HRH1: variants seen among roughly 807,000 people sequenced by gnomAD.
HRH1 encodes histamine receptor H1.
A neutral mutation model predicts 10.3 loss-of-function variants in HRH1; 6 were observed. The ratio of observed to expected loss-of-function variants is 0.58; its 90% CI spans 0.32 to 1.15. HRH1 has a LOEUF of 1.15. Among genes scored for constraint, HRH1 ranks in the 50% most tolerant of loss-of-function variants. The pLI is 0.05. For missense variants in HRH1, 514 were observed against 615.3 expected, an observed-to-expected ratio of 0.84 and a Z score of 1.74; for synonymous variants, 242 against 236.7, an observed-to-expected ratio of 1.02 and a Z score of -0.21.
intron 1 of HRH1, among the ~76,000 whole-genome samples, chr3:11,148,221 A>G (rs1936504740): frequency 6.6e-6 from 1 of 151,720 alleles, no homozygotes; most frequent in African/African-American, 2.4e-5. Flanking sequence ...TTCCTTCTCA[A>G]TCCTGCCCAT....
intron 1 of HRH1, among the ~76,000 whole-genome samples, chr3:11,138,570 C>T (rs1936230239): frequency 6.6e-6 from 1 of 152,190 alleles, no homozygotes; most frequent in Non-Finnish European, 1.5e-5. Context: ...CTTTGGAAAA[C>T]AGTTTGGCAA....
At chr3:11,144,429 A>T (rs62248177) in intron 1 of HRH1, among the ~76,000 whole-genome samples, 1 of 44,368 alleles carries the variant, frequency 2.3e-5, no homozygotes, top group African/African-American at 6.0e-5. Context: ...GTATATATAC[A>T]TATAGACATA....
At chr3:11,151,880 A>C (rs1936636785), upstream of HRH1, among the ~76,000 whole-genome samples, 1 of 152,228 alleles carries the variant, frequency 6.6e-6, no homozygotes, top group Non-Finnish European at 1.5e-5. Flanking sequence ...TGAGGCTCAG[A>C]GAAGCAAAGT....
At chr3:11,237,890 G>A (rs1400556734) in intron 1 of HRH1, among the ~76,000 whole-genome samples, 2 of 151,746 alleles carry the variant, frequency 1.3e-5, no homozygotes, top group South Asian at 2.1e-4. Flanking sequence ...ATTGGCCAGG[G>A]TGGTCTCGAA....
intron 1 of HRH1, among the ~76,000 whole-genome samples, chr3:11,207,630 T>G (rs1199857863): frequency 1.3e-5 from 2 of 152,164 alleles, no homozygotes; most frequent in African/African-American, 4.8e-5. Flanking sequence ...TTACTTGCTG[T>G]GTGATCTTGG....
chr3:11,189,339 G>A (rs1462244100), intron 1 of HRH1, among the ~76,000 whole-genome samples: 1 of 152,124 alleles, frequency 6.6e-6, no homozygotes, highest in Non-Finnish European at 1.5e-5. Context: ...ATCCTTCTCT[G>A]ACTCAGTTTC....
chr3:11,221,036 G>A lies in HRH1; in HGVS notation c.-35-37967G>A, dbSNP rs541617231. On this transcript the variant is annotated intron_variant, in intron 1 of 1. Coordinates refer to ENST00000431010, the MANE Select transcript of HRH1 (RefSeq NM_001098212.2). ...GTCACTACCCCCAAAGTATCTGGGC[G>A]TGGGAATATGAGTTTATAAGAAAAT... Among the ~76,000 whole-genome samples, 4 of 152,256 alleles carry A rather than the reference G, an allele frequency of 2.6e-5. No homozygotes were observed. The East Asian group carries it at 7.7e-4, about 29-fold the overall frequency.
chr3:11,162,226 C>CACTCATAGAT (rs1177728280), intron 1 of HRH1, among the ~76,000 whole-genome samples: 1 of 152,206 alleles, frequency 6.6e-6, no homozygotes, highest in Non-Finnish European at 1.5e-5. Flanking sequence ...TAGATACAGT[C>CACTCATAGAT]ACCATGCAAG....
chr3:11,178,224 G>A (rs1157357412), intron 1 of HRH1, among the ~76,000 whole-genome samples: 1 of 152,134 alleles, frequency 6.6e-6, no homozygotes, highest in African/African-American at 2.4e-5. Context: ...CTGACTGCTG[G>A]GCTCAGCCCT....
chr3:11,259,215 A>G lies in HRH1; in HGVS notation c.178A>G (p.Thr60Ala), dbSNP rs201720863. ...CGTACGGAGTGAGCGGAAGCTCCAC[A>G]CTGTGGGGAACCTGTACATCGTCAG... ...YAVRSERKLHTVGNLYIVSLS... is the reference protein window; with the variant it reads ...YAVRSERKLHAVGNLYIVSLS... The change falls in exon 2 of 2, where the codon ACT (threonine) becomes GCT (alanine). Residue 60 changes from threonine (T) to alanine (A), a missense_variant. By Grantham distance (58) the Thr-to-Ala change is moderately conservative. Transcript: ENST00000431010. This position sits in a 1 kb window ranked among gnomAD's most constrained non-coding sequence, Gnocchi z 4.6. 54 of 1,610,774 alleles carry G rather than the reference A, an allele frequency of 3.4e-5. No individual in the cohort carries two copies. The highest frequency in any genetic ancestry group is 4.3e-5 in the Non-Finnish European group (51 of 1,179,518).
chr3:11,144,228 G>T (rs1217611873), intron 1 of HRH1, among the ~76,000 whole-genome samples: 1 of 151,618 alleles, frequency 6.6e-6, no homozygotes, highest in Non-Finnish European at 1.5e-5. Flanking sequence ...ATAAATTGTT[G>T]TATCAAAAAG....
intron 1 of HRH1, among the ~76,000 whole-genome samples, chr3:11,180,948 T>TACAC (rs71055851): frequency 0.13 from 15,830 of 120,882 alleles, 1,368 homozygotes; most frequent in Admixed American, 0.18. Context: ...CTCTCAGGCA[T>TACAC]ACACACACAC....
At chr3:11,220,499 A>G (rs1938676195) in intron 1 of HRH1, among the ~76,000 whole-genome samples, 1 of 152,254 alleles carries the variant, frequency 6.6e-6, no homozygotes, top group African/African-American at 2.4e-5. Context: ...CAGCCACTCC[A>G]GCAGGCAACT....
chr3:11,146,625 G>A (rs1042905809), intron 1 of HRH1, among the ~76,000 whole-genome samples: 1 of 152,174 alleles, frequency 6.6e-6, no homozygotes, highest in African/African-American at 2.4e-5. Flanking sequence ...ACTTGAACCT[G>A]CTCCTTCTCT....
intron 1 of HRH1, among the ~76,000 whole-genome samples, chr3:11,238,382 G>T (rs1016618758): frequency 6.6e-6 from 1 of 152,044 alleles, no homozygotes; most frequent in Non-Finnish European, 1.5e-5. Flanking sequence ...CAGTTCTTCC[G>T]CTAAGCAACT....
chr3:11,139,844 G>C (rs1297531317), intron 1 of HRH1, among the ~76,000 whole-genome samples: 2 of 152,142 alleles, frequency 1.3e-5, no homozygotes, highest in African/African-American at 4.8e-5. Context: ...GGGGAATTAG[G>C]AGTTATGGAG....
At chr3:11,198,407 G>A (rs576599154) in intron 1 of HRH1, among the ~76,000 whole-genome samples, 2 of 152,230 alleles carry the variant, frequency 1.3e-5, no homozygotes, top group South Asian at 2.1e-4. Context: ...TTAACGAAGG[G>A]ACAAGATGAC....
At chr3:11,172,358 G>A (rs192447149) in intron 1 of HRH1, among the ~76,000 whole-genome samples, 1 of 152,338 alleles carries the variant, frequency 6.6e-6, no homozygotes, top group African/African-American at 2.4e-5. Flanking sequence ...CCCTCAGAGG[G>A]CCCCTGCTTT....
chr3:11,172,966 G>C (rs1031428868), intron 1 of HRH1, among the ~76,000 whole-genome samples: 3 of 152,080 alleles, frequency 2.0e-5, no homozygotes, highest in Non-Finnish European at 2.9e-5. Context: ...CAAAGTGCTG[G>C]GATTACAGGC....
Sources: gnomAD v4.1 joint callset for allele counts (sites outside exome capture counted in the v4.1 genomes callset) on GRCh38, gnomAD v4.1.1 for gene constraint, Gnocchi (gnomAD v3.1) non-coding constraint, MANE v1.5 for transcripts, NCBI Gene and HGNC (gene_info 2026-07-23, HGNC 2026-07-21) for gene names.